The following FBN3 variants were observed in gnomAD, a reference collection of about 807,000 sequenced individuals.
The protein encoded by FBN3 is fibrillin-3.
A neutral mutation model predicts 330.1 loss-of-function variants in FBN3; 234 were observed. The observed-to-expected ratio is 0.71, with a 90% CI of 0.64 to 0.79. FBN3 has a LOEUF of 0.79. FBN3 is among the 30% of genes least tolerant of loss of function. The pLI, the probability that FBN3 is intolerant of heterozygous loss-of-function variation, is 0.00. For missense variants in FBN3, 3,606 were observed against 3,886.9 expected (o/e 0.93, Z 1.92); for synonymous variants, 1,458 against 1,517.3 (o/e 0.96, Z 0.91).
Position 8,072,024 on chromosome 19 carries a change from TGCCTA to T in FBN3, c.8088+19_8088+23del. ...CACTCACCCATTCCCTGGCCACCCC[TGCCTA>T]GTGCAGCACCCATGTCACCTGGTGG... is the stretch of plus-strand genomic sequence containing the variant. On this transcript the variant is annotated intron_variant, in intron 63 of 63. Transcript: ENST00000600128. 1.2e-6 allele frequency: 2 copies of T among 1,603,052 alleles called. No individual in the cohort carries two copies. The highest frequency in any genetic ancestry group is 1.7e-6 in the Non-Finnish European group (2 of 1,176,428).
chr19:8,111,241 T>C, intron 32 of FBN3, 58 bp from the exon 33 acceptor site: 1 of 1,525,938 alleles, frequency 6.6e-7, no homozygotes, highest in Non-Finnish European at 8.8e-7. Flanking sequence ...CCACACAGGG[T>C]GGGCAGGAGG....
rs182409752 is a variant in FBN3 at position 8,085,823 on chromosome 19, C to G, written c.6881-254G>C. 1.4e-4 allele frequency among the ~76,000 whole-genome samples: 22 copies of G among 152,014 alleles called. No individual in the cohort carries two copies. The South Asian group carries it at 4.4e-3, about 30-fold the overall frequency. On this transcript the variant is annotated intron_variant, in intron 55 of 63. Coordinates refer to ENST00000600128, the MANE Select transcript of FBN3 (RefSeq NM_032447.5). ...TGGAGGAGGCATGGAGGGAGCGTCC[C>G]GCTCTTCCAGTATTTAACAGAAGGG...
intron 18 of FBN3, among the ~76,000 whole-genome samples, chr19:8,127,460 C>A (rs541681694): frequency 2.6e-5 from 4 of 152,284 alleles, no homozygotes; most frequent in African/African-American, 9.6e-5. Flanking sequence ...CTGCCCAATT[C>A]TCCGACACCA....
At position 8,121,292 on chromosome 19, in the gene FBN3, G is replaced by A. The variant is rs375976165; in HGVS notation, c.3177C>T (p.Tyr1059=). ...GSFECECFPG[Y]ESGFMLMKNC... is the part of the protein sequence containing the mutation. ...TCTTCATCAGCATGAAGCCACTCTC[G>A]TAGCCGGGAAAACACTCGCACTCAA... The change falls in exon 25 of 64, where the codon TAC becomes TAT. Residue 1059 remains tyrosine, a synonymous_variant. Coordinates refer to ENST00000600128, the MANE Select transcript of FBN3 (RefSeq NM_032447.5). The surrounding 1 kb of genome is among the most constrained non-coding windows in gnomAD (Gnocchi z 4.5). The A allele has an allele frequency of 2.3e-5, 37 of 1,612,460 alleles. No homozygotes were observed. The East Asian group carries it at 3.6e-4, about 16-fold the overall frequency.
intron 30 of FBN3, among the ~76,000 whole-genome samples, chr19:8,114,394 C>G (rs1003593975): frequency 5.9e-5 from 9 of 151,754 alleles, no homozygotes; most frequent in Non-Finnish European, 1.2e-4. Context: ...GGATTACAGG[C>G]GTGCGCCACC....
intron 63 of FBN3, among the ~76,000 whole-genome samples, chr19:8,067,659 T>C (rs1216102378): frequency 6.6e-6 from 1 of 152,158 alleles, no homozygotes; most frequent in Non-Finnish European, 1.5e-5. Flanking sequence ...AGGCACCTAC[T>C]GAATTCCTGG....
At chr19:8,101,156 G>A (rs4804060) in intron 40 of FBN3, among the ~76,000 whole-genome samples, 184 bp from the exon 41 acceptor site, 57,066 of 151,772 alleles carry the variant, frequency 0.38, 11,973 homozygotes, top group Middle Eastern at 0.53. Flanking sequence ...ACAAAGTCTC[G>A]TTCTGTCACC....
chr19:8,144,340 T>C (rs2083484749), intron 6 of FBN3, among the ~76,000 whole-genome samples: 1 of 151,596 alleles, frequency 6.6e-6, no homozygotes, highest in African/African-American at 2.4e-5. Context: ...GAGGTTGCAG[T>C]GAGCCGAGAT....
intron 40 of FBN3, 119 bp downstream of exon 40, chr19:8,102,605 C>T (rs2082350528): frequency 1.0e-6 from 1 of 992,782 alleles, no homozygotes; most frequent in African/African-American, 1.6e-5. Context: ...AAAACTTCAA[C>T]TCTCTGGCTC....
chr19:8,129,423 A>C lies in FBN3; in HGVS notation c.2045-58T>G. ...AGAAGGAGGGTGTGTCCGAGGCAGGAGGAGGGTGTGTCGCGGCGCACCAGG... is the reference window on the plus strand; with the variant it reads ...AGAAGGAGGGTGTGTCCGAGGCAGGCGGAGGGTGTGTCGCGGCGCACCAGG... On this transcript the variant is annotated intron_variant, in intron 16 of 63. Coordinates refer to ENST00000600128, the MANE Select transcript of FBN3 (RefSeq NM_032447.5). This position sits in a 1 kb window ranked among gnomAD's most constrained non-coding sequence, Gnocchi z 4.5. 6.2e-7 allele frequency: 1 copy of C among 1,601,018 alleles called. No individual in the cohort carries two copies. The highest frequency in any genetic ancestry group is 8.5e-7 in the Non-Finnish European group (1 of 1,172,824).
rs747885195 is a variant in FBN3 at position 8,131,742 on chromosome 19, C to T, written c.1802G>A (p.Gly601Glu). ...GCGGCCATCCGTGCCTACCGCCAGC[C>T]CCCCCAGGCACTGGCAGCGGAAGGA... The part of the protein sequence containing the change: ...EGSFRCQCLG[G>E]LAVGTDGRVC... The change falls in exon 15 of 64, where the codon GGG becomes GAG. Residue 601 changes from glycine (G) to glutamate (E), a missense_variant. Transcript: ENST00000600128. This position sits in a 1 kb window ranked among gnomAD's most constrained non-coding sequence, Gnocchi z 4.5. 6.2e-7 allele frequency: 1 copy of T among 1,613,548 alleles called. No homozygotes were observed. Among genetic ancestry groups the T allele is most frequent in the Admixed American group, 1.7e-5 (1 of 59,952 alleles).
At position 8,121,398 on chromosome 19, in the gene FBN3, G is replaced by GA; in HGVS notation, c.3083-13_3083-12insT. The GA allele has an allele frequency of 1.3e-6, 2 of 1,493,446 alleles. No individual in the cohort carries two copies. The highest frequency in any genetic ancestry group is 1.8e-6 in the Non-Finnish European group (2 of 1,131,310). 92.5% of individuals were successfully genotyped at this position (1,493,446 alleles called of 1,614,324 possible). A position where few individuals can be genotyped will look rare whatever the true frequency, so the allele number is the denominator to read the frequency against. ...ACACTCGTCGATATCTGTGGGGAGA[G>GA]GGGGCAGAGGCCGGAGGCGCCATGT... On this transcript the variant is annotated splice_polypyrimidine_tract_variant and intron_variant, in intron 24 of 63. Coordinates refer to ENST00000600128, the MANE Select transcript of FBN3 (RefSeq NM_032447.5). This position sits in a 1 kb window ranked among gnomAD's most constrained non-coding sequence, Gnocchi z 4.5.
At chr19:8,116,865 T>G in intron 28 of FBN3, 66 bp from the exon 29 acceptor site, 1 of 1,560,130 alleles carries the variant, frequency 6.4e-7, no homozygotes, top group South Asian at 1.2e-5. Flanking sequence ...ACACATCTGC[T>G]CCCCAGGCCC....
At position 8,106,143 on chromosome 19, in the gene FBN3, C is replaced by T. The variant is rs776245960; in HGVS notation, c.4778G>A (p.Gly1593Asp). Residue 1593 changes from glycine (G) to aspartate (D), a missense_variant, in exon 38 of 64, where the codon GGC (glycine) becomes GAC (aspartate). Transcript: ENST00000600128. ...GCGGGTGTGCTCACTGAGGTGGTAG[C>T]CAGGTGGGCACTCACACTGGAAACT... ...FGSFQCECPP[G>D]YHLSEHTRIC... 6.2e-7 allele frequency: 1 copy of T among 1,614,138 alleles called. No homozygotes were observed. The highest frequency in any genetic ancestry group is 8.5e-7 in the Non-Finnish European group (1 of 1,180,008).
chr19:8,135,936 G>GTCC, intron 13 of FBN3, 25 bp downstream of exon 13: 32 of 668,760 alleles, frequency 4.8e-5, no homozygotes, highest in South Asian at 8.1e-5. Context: ...GGAAGCCCCT[G>GTCC]CCCACCCGCC....
intron 13 of FBN3, among the ~76,000 whole-genome samples, chr19:8,134,483 C>T (rs544521598): frequency 9.9e-5 from 15 of 152,222 alleles, no homozygotes; most frequent in African/African-American, 2.9e-4. Flanking sequence ...GTGGCTGAGG[C>T]GGGGACATTG....
rs1871496842 is a variant in FBN3 at position 8,121,093 on chromosome 19, G to C, written c.3211+165C>G. Among the ~76,000 whole-genome samples the C allele has an allele frequency of 2.0e-5, 3 of 152,008 alleles. 1 individual carries two copies. The South Asian group carries it at 6.2e-4, about 32-fold the overall frequency. ...CCCAGGTCTCTCTCCTAAGGACGAG[G>C]CCTCATGGAGCCCAGACTCACTGTA... On this transcript the variant is annotated intron_variant, in intron 25 of 63. Coordinates refer to ENST00000600128, the MANE Select transcript of FBN3 (RefSeq NM_032447.5). This position sits in a 1 kb window ranked among gnomAD's most constrained non-coding sequence, Gnocchi z 4.5.
At position 8,131,860 on chromosome 19, in the gene FBN3, T is replaced by A. The variant is rs1476330441; in HGVS notation, c.1715-31A>T. 6.5e-7 allele frequency: 1 copy of A among 1,538,314 alleles called. No homozygotes were observed. Among genetic ancestry groups the A allele is most frequent in the Non-Finnish European group, 8.8e-7 (1 of 1,139,002 alleles). On this transcript the variant is annotated intron_variant, in intron 14 of 63. Transcript: ENST00000600128. This position sits in a 1 kb window ranked among gnomAD's most constrained non-coding sequence, Gnocchi z 4.5. ...GAAGCAGTGGCGGCACGGGGATGGG[T>A]TCCAGCGTGCTCCCTTCCTCTCTCC...
chr19:8,067,220 G>A (rs1004135854), intron 63 of FBN3, among the ~76,000 whole-genome samples: 4 of 151,458 alleles, frequency 2.6e-5, no homozygotes, highest in Admixed American at 2.6e-4. Context: ...CTGCCTCCTG[G>A]GTTCAAGTGA....
Sources: allele counts gnomAD v4.1 joint callset (sites outside exome capture counted in the v4.1 genomes callset), GRCh38; gene constraint gnomAD v4.1.1; non-coding constraint Gnocchi (gnomAD v3.1); transcripts MANE v1.5; gene names NCBI Gene and HGNC (gene_info 2026-07-23, HGNC 2026-07-21).